Variants in MICAL1 observed in about 807,000 individuals in gnomAD.
MICAL1 encodes [F-actin]-monooxygenase MICAL1.
MICAL1 carries 95 observed loss-of-function variants against 131.8 expected under a neutral mutation model. The observed-to-expected ratio is 0.72, with a 90% CI of 0.61 to 0.86. The LOEUF is 0.86. Ranked by LOEUF, MICAL1 falls within the 40% of genes least tolerant of loss-of-function variation. MICAL1 has a pLI of 0.00. For missense variants in MICAL1, 1,292 were observed against 1,380.6 expected (o/e 0.94, Z 1.02); for synonymous variants, 546 against 554.2 (o/e 0.99, Z 0.21).
At chr6:109,461,955 T>C (rs1321550967) in intron 1 of MICAL1, among the ~76,000 whole-genome samples, 1 of 152,132 alleles carries the variant, frequency 6.6e-6, no homozygotes, top group African/African-American at 2.4e-5. Flanking sequence ...CTCACCAGAA[T>C]GTCATGAAGA....
intron 4 of MICAL1, 42 bp from the exon 5 acceptor site, chr6:109,452,657 T>TA (rs753180623): frequency 6.8e-7 from 1 of 1,479,508 alleles, no homozygotes; most frequent in Non-Finnish European, 9.3e-7. Flanking sequence ...GTAGAAGTCG[T>TA]AAGAGCCCCT....
intron 11 of MICAL1, 98 bp from the exon 12 acceptor site, chr6:109,448,977 G>A (rs1775381625): frequency 2.6e-6 from 4 of 1,512,078 alleles, no homozygotes; most frequent in Non-Finnish European, 3.6e-6. Flanking sequence ...TAGGGGAGGA[G>A]GAGTCAGGGA....
upstream of MICAL1, among the ~76,000 whole-genome samples, chr6:109,458,458 G>A (rs1371003105): frequency 1.3e-5 from 2 of 152,120 alleles, no homozygotes; most frequent in African/African-American, 4.8e-5. Context: ...AGCCAGGCAT[G>A]GTGGCACATG....
At chr6:109,456,036 C>T, upstream of MICAL1, 1 of 986,118 alleles carries the variant, frequency 1.0e-6, no homozygotes, top group South Asian at 4.7e-5. Flanking sequence ...GCTGCGGACA[C>T]CCCGTTCCGC....
At position 109,453,841 on chromosome 6, in the gene MICAL1, A is replaced by T; in HGVS notation, c.263T>A (p.Leu88Gln). The stretch of plus-strand genomic sequence containing the variant: ...CCCGCAAGGTCCAGCACCCACCACC[A>T]GGCACTGTGAACACACAGGGCAGTG... ...QGRACTSTKC[L>Q]VVGAGPCGLR... is the part of the protein sequence containing the mutation. The change falls in exon 3 of 25, where the codon CTG (leucine) becomes CAG (glutamine). Residue 88 changes from leucine to glutamine, a missense_variant. Leu to Gln is a moderately radical substitution (Grantham distance 113). Coordinates refer to ENST00000358807, the MANE Select transcript of MICAL1 (RefSeq NM_022765.4). 6.2e-7 allele frequency: 1 copy of T among 1,613,256 alleles called. No individual in the cohort carries two copies. Among genetic ancestry groups the T allele is most frequent in the Non-Finnish European group, 8.5e-7 (1 of 1,179,968 alleles).
At chr6:109,457,167 G>C (rs761394755), upstream of MICAL1, among the ~76,000 whole-genome samples, 7 of 152,172 alleles carry the variant, frequency 4.6e-5, no homozygotes, top group Non-Finnish European at 1.0e-4. Flanking sequence ...GCAGGCAGTG[G>C]GACGAAAGCA....
intron 12 of MICAL1, 73 bp from the exon 13 acceptor site, chr6:109,448,466 G>T (rs527526630): frequency 1.3e-6 from 2 of 1,544,754 alleles, no homozygotes; most frequent in Admixed American, 3.4e-5. Flanking sequence ...AGGGCAGCAG[G>T]AGGGGAGGGA....
At position 109,444,260 on chromosome 6, in the gene MICAL1, ATC is replaced by A. The variant is rs1775103356; in HGVS notation, c.3133_3134del (p.Asp1045CysfsTer?). The A allele has an allele frequency of 6.2e-7, 1 of 1,613,654 alleles. No individual in the cohort carries two copies. The highest frequency in any genetic ancestry group is 1.3e-5 in the African/African-American group (1 of 75,042). On this transcript the variant is annotated frameshift_variant, in exon 25 of 25. Coordinates refer to ENST00000358807, the MANE Select transcript of MICAL1 (RefSeq NM_022765.4). LOFTEE classifies it high-confidence loss of function. ...GCTCCTCCTGGAAGCGGATGAGGGCATCTCTCTGGTTGACCAAATCCACCAGC... is the reference window on the plus strand; with the variant it reads ...GCTCCTCCTGGAAGCGGATGAGGGCATCTCTGGTTGACCAAATCCACCAGC... ...RKLVDLVNQR[D>X]ALIRFQEERR...
chr6:109,447,253 G>A (rs1582640247), intron 16 of MICAL1, 24 bp from the exon 17 acceptor site: 5 of 1,613,968 alleles, frequency 3.1e-6, no homozygotes, highest in African/African-American at 1.3e-5. Context: ...CAGGACACAG[G>A]GTCAGGTGGA....
chr6:109,445,543 A>T lies in MICAL1; in HGVS notation c.2674-14T>A. 7.4e-6 allele frequency: 12 copies of T among 1,613,670 alleles called. No individual in the cohort carries two copies. Among genetic ancestry groups the T allele is most frequent in the Non-Finnish European group, 1.0e-5 (12 of 1,179,690 alleles). ...GGTCTGCAGGGCCTATAGGAGGGTCAGGCCAGTCAGGGATAGGGCCTGGGC... is the reference window on the plus strand; with the variant it reads ...GGTCTGCAGGGCCTATAGGAGGGTCTGGCCAGTCAGGGATAGGGCCTGGGC... On this transcript the variant is annotated splice_polypyrimidine_tract_variant and intron_variant, in intron 20 of 24. Transcript: ENST00000358807.
In MICAL1 at chr6:109,445,210, C is replaced by T; in HGVS notation, c.2868G>A (p.Leu956=). The change falls in exon 22 of 25, where the codon TTG becomes TTA. Residue 956 remains leucine, a synonymous_variant. Coordinates refer to ENST00000358807, the MANE Select transcript of MICAL1 (RefSeq NM_022765.4). ...CTTGTCACTCACTGCTCTGGCGCCT[C>T]AAGGCCAGCTCCAGCTTCACGCCCT... ...EAEGVKLELA[L]RRQSSSPEQQ... 1.2e-6 allele frequency: 2 copies of T among 1,613,526 alleles called. No individual in the cohort carries two copies. Among genetic ancestry groups the T allele is most frequent in the African/African-American group, 2.7e-5 (2 of 75,050 alleles).
In MICAL1 at chr6:109,450,363, A is replaced by C; in HGVS notation, c.1128T>G (p.Ala376=). The stretch of plus-strand genomic sequence containing the variant: ...GGGCGCCATGCTTCTCTTGCACACG[A>C]GCAGAACTCTCTGCCCGCATCATGC... ...FTSMMRAESS[A]RVQEKHGARL... Residue 376 remains alanine (A), a synonymous_variant, in exon 8 of 25, where the codon GCT becomes GCG. Transcript: ENST00000358807. The C allele has an allele frequency of 6.2e-7, 1 of 1,612,680 alleles. No individual in the cohort carries two copies. The highest frequency in any genetic ancestry group is 8.5e-7 in the Non-Finnish European group (1 of 1,179,296).
In MICAL1 at chr6:109,446,694, A is replaced by ACCGG; in HGVS notation, c.2302_2304+1dup. The ACCGG allele has an allele frequency of 6.2e-7, 1 of 1,613,358 alleles. No individual in the cohort carries two copies. The highest frequency in any genetic ancestry group is 8.5e-7 in the Non-Finnish European group (1 of 1,179,648). On this transcript the variant is annotated splice_donor_variant, in intron 18 of 24. Transcript: ENST00000358807. LOFTEE classifies it high-confidence loss of function. ...ATATACATACACGCCTTCAGTCTTTACCGGACTCTCAGGGCCTCTATCGCT... is the reference window on the plus strand; with the variant it reads ...ATATACATACACGCCTTCAGTCTTTACCGGCCGGACTCTCAGGGCCTCTATCGCT...
rs376266690 is a variant in MICAL1, at chr6:109,446,763, T to C, written c.2237A>G (p.Tyr746Cys). The change falls in exon 18 of 25, where the codon TAC (tyrosine) becomes TGC (cysteine). Residue 746 changes from tyrosine to cysteine, a missense_variant. Transcript: ENST00000358807. ...TGTCTGGGGCAGGTGCTGGAGGCAG[T>C]AGAAATGTCCTGGAAAGGGTAGAGA... ...YEQHPGDGHF[Y>C]CLQHLPQTDH... The C allele has an allele frequency of 4.3e-6, 7 of 1,613,278 alleles. No homozygotes were observed. The African/African-American group carries it at 9.4e-5, about 22-fold the overall frequency.
chr6:109,460,420 C>T (rs115222437), upstream of MICAL1, among the ~76,000 whole-genome samples: 4,914 of 141,460 alleles, frequency 0.035, 134 homozygotes, highest in East Asian at 0.1. Context: ...GAGCAAGACC[C>T]TACGTAAAAA....
At chr6:109,462,238 G>C (rs1193958129) in intron 1 of MICAL1, among the ~76,000 whole-genome samples, 1 of 152,226 alleles carries the variant, frequency 6.6e-6, no homozygotes, top group Non-Finnish European at 1.5e-5. Flanking sequence ...AAGACAACTA[G>C]AAGGGAGGCC....
upstream of MICAL1, chr6:109,455,924 G>A (rs936762857): frequency 4.9e-5 from 48 of 985,482 alleles, no homozygotes; most frequent in Non-Finnish European, 2.2e-5. This position sits in a 1 kb window ranked among gnomAD's most constrained non-coding sequence, Gnocchi z 4.7. Context: ...GGCTTTATTC[G>A]CGACTCATTA....
In MICAL1 at chr6:109,446,728, C is replaced by T. The variant is rs59056467; in HGVS notation, c.2272G>A (p.Ala758Thr). ...LQHLPQTDHK[A>T]EGSDRGPESP... is the part of the protein sequence containing the mutation. ...TCAGGGCCTCTATCGCTGCCTTCCG[C>T]TTTGTGGTCTGTCTGGGGCAGGTGC... Residue 758 changes from alanine (A) to threonine (T), a missense_variant, in exon 18 of 25, where the codon GCG (alanine) becomes ACG (threonine). Transcript: ENST00000358807. 0.33 allele frequency: 536,498 copies of T among 1,611,186 alleles called. 90,122 individuals carry two copies. Among genetic ancestry groups the T allele is most frequent in the East Asian group, 0.4 (17,824 of 44,802 alleles).
rs1294567895 is a variant in MICAL1, at chr6:109,448,215, C to A, written c.1843G>T (p.Ala615Ser). ...SHFHSAFKSM[A>S]HSPGPVSQAS... ...TCCTTCAGGTCACCTGGGCTGTGGG[C>A]CATGCTCTTGAAGGCACTGTGGAAG... The change falls in exon 13 of 25, where the codon GCC becomes TCC. Residue 615 changes from alanine to serine, a missense_variant. By Grantham distance (99) the Ala-to-Ser change is moderately conservative. Transcript: ENST00000358807. 2.5e-6 allele frequency: 4 copies of A among 1,612,050 alleles called. No individual in the cohort carries two copies. The African/African-American group carries it at 5.3e-5, about 22-fold the overall frequency.
Sources: gnomAD v4.1 joint callset for allele counts (sites outside exome capture counted in the v4.1 genomes callset) on GRCh38, gnomAD v4.1.1 for gene constraint, Gnocchi (gnomAD v3.1) non-coding constraint, MANE v1.5 for transcripts, NCBI Gene and HGNC (gene_info 2026-07-23, HGNC 2026-07-21) for gene names.